PRKN: variants seen among roughly 807,000 people sequenced by gnomAD.
The protein encoded by PRKN is parkin RBR E3 ubiquitin protein ligase, also known as E3 ubiquitin-protein ligase parkin.
A neutral mutation model predicts 59.5 loss-of-function variants in PRKN; 56 were observed. The observed-to-expected ratio is 0.94, with a 90% CI of 0.76 to 1.18. PRKN has a LOEUF of 1.18. PRKN is among the 50% of genes most tolerant of loss of function. PRKN has a pLI of 0.00. For missense variants in PRKN, 657 were observed against 596.4 expected (o/e 1.10, Z -1.06); for synonymous variants, 250 against 222.1 (o/e 1.13, Z -1.12).
At chr6:162,421,369 A>T (rs2320811) in intron 2 of PRKN, among the ~76,000 whole-genome samples, 78,268 of 152,000 alleles carry the variant, frequency 0.51, 20,527 homozygotes, top group East Asian at 0.69. Context: ...GTTAAGAACA[A>T]TAACTAATTT....
chr6:161,542,892 A>G lies in PRKN; in HGVS notation c.1083+5962T>C, dbSNP rs554844250. On this transcript the variant is annotated intron_variant, in intron 9 of 11. Transcript: ENST00000366898. ...ATTTGGAGACTAGATTTTAATCTCT[A>G]GTCTTAAAAAAACTCAATATGGTTT... Among the ~76,000 whole-genome samples, 33 of 152,326 alleles carry G rather than the reference A, an allele frequency of 2.2e-4. No homozygotes were observed. The South Asian group carries it at 6.0e-3, about 28-fold the overall frequency.
chr6:161,568,410 G>A (rs557544243), intron 8 of PRKN, among the ~76,000 whole-genome samples: 59 of 152,202 alleles, frequency 3.9e-4, no homozygotes, highest in African/African-American at 7.9e-4. Flanking sequence ...TGGCTAACAC[G>A]GTGAAACTCC....
chr6:162,442,421 G>A (rs1021068065), intron 2 of PRKN, among the ~76,000 whole-genome samples: 6 of 152,148 alleles, frequency 3.9e-5, no homozygotes, highest in Admixed American at 1.3e-4. Flanking sequence ...AAAGCGTTTC[G>A]TCTTTCTTGC....
chr6:162,589,078 T>C (rs1322917154), intron 1 of PRKN, among the ~76,000 whole-genome samples: 2 of 152,140 alleles, frequency 1.3e-5, no homozygotes, highest in African/African-American at 2.4e-5. Context: ...ATCAATCTTG[T>C]ACTGTTATGC....
At chr6:162,354,790 A>G (rs1784776431) in intron 2 of PRKN, among the ~76,000 whole-genome samples, 1 of 152,068 alleles carries the variant, frequency 6.6e-6, no homozygotes, top group African/African-American at 2.4e-5. Flanking sequence ...GTGTCTATCA[A>G]CCATCAGCAA....
At chr6:161,811,779 C>T (rs866593901) in intron 6 of PRKN, among the ~76,000 whole-genome samples, 60 of 151,872 alleles carry the variant, frequency 4.0e-4, no homozygotes, top group Middle Eastern at 6.8e-3. Flanking sequence ...AAAAATTAGC[C>T]GGGTGTGGTG....
At chr6:161,761,842 C>A (rs1789215486) in intron 7 of PRKN, among the ~76,000 whole-genome samples, 1 of 152,120 alleles carries the variant, frequency 6.6e-6, no homozygotes, top group African/African-American at 2.4e-5. Flanking sequence ...AGGTTTTTCC[C>A]AAAATGGTTA....
chr6:162,348,493 T>A lies in PRKN; in HGVS notation c.172-85728A>T, dbSNP rs1036837321. 5.3e-4 allele frequency among the ~76,000 whole-genome samples: 81 copies of A among 152,176 alleles called. 1 individual carries two copies. The highest frequency in any genetic ancestry group is 1.8e-3 in the African/African-American group (75 of 41,516). ...CTATATTAGAAAAGAAGATCTCAAA[T>A]CAATGACATTTTCTATAATATAAAA... is the stretch of plus-strand genomic sequence containing the variant. On this transcript the variant is annotated intron_variant, in intron 2 of 11. Coordinates refer to ENST00000366898, the MANE Select transcript of PRKN (RefSeq NM_004562.3).
chr6:161,817,401 G>A (rs3016535), intron 6 of PRKN, among the ~76,000 whole-genome samples: 70,960 of 151,932 alleles, frequency 0.47, 16,825 homozygotes, highest in East Asian at 0.69. Flanking sequence ...TAGACCTAGT[G>A]TATGTTTGTC....
intron 3 of PRKN, among the ~76,000 whole-genome samples, chr6:162,246,550 G>A (rs1030632843): frequency 6.6e-6 from 1 of 152,144 alleles, no homozygotes; most frequent in African/African-American, 2.4e-5. Context: ...TCCTCTTATA[G>A]AAACTGCTTG....
At position 161,359,391 on chromosome 6, in the gene PRKN, C is replaced by G. The variant is rs1260220129; in HGVS notation, c.1285+697G>C. Among the ~76,000 whole-genome samples, 1 of 152,256 alleles carries G rather than the reference C, an allele frequency of 6.6e-6. No homozygotes were observed. Among genetic ancestry groups the G allele is most frequent in the Non-Finnish European group, 1.5e-5 (1 of 68,048 alleles). On this transcript the variant is annotated intron_variant, in intron 11 of 11. Transcript: ENST00000366898. The surrounding 1 kb of genome is among the most constrained non-coding windows in gnomAD (Gnocchi z 5.4). ...CTCCCGCAAGTCAGCTCTGGGCAAC[C>G]TGCCAGCCAGGGCGTAGCTGATGCT...
chr6:162,448,865 CTT>C (rs1258250920), intron 1 of PRKN, among the ~76,000 whole-genome samples: 1 of 145,480 alleles, frequency 6.9e-6, no homozygotes, highest in Non-Finnish European at 1.5e-5. Context: ...TCCTTTATTT[CTT>C]TCTTTTCCTC....
intron 7 of PRKN, among the ~76,000 whole-genome samples, chr6:161,779,605 T>C (rs563644357): frequency 6.6e-6 from 1 of 151,700 alleles, no homozygotes; most frequent in East Asian, 1.9e-4. Flanking sequence ...CCACCACACC[T>C]AGCTAATTTT....
chr6:161,569,577 AC>A (rs1210405885), intron 7 of PRKN, among the ~76,000 whole-genome samples, 161 bp from the exon 8 acceptor site: 1 of 152,144 alleles, frequency 6.6e-6, no homozygotes, highest in Non-Finnish European at 1.5e-5. Context: ...AAAAAGCCAA[AC>A]CCTCAAAAGA....
At chr6:162,049,421 A>G (rs1026753649) in intron 5 of PRKN, among the ~76,000 whole-genome samples, 1 of 152,290 alleles carries the variant, frequency 6.6e-6, no homozygotes, top group African/African-American at 2.4e-5. Context: ...AGAGTGAAAG[A>G]GTTGAGCTCA....
intron 7 of PRKN, among the ~76,000 whole-genome samples, chr6:161,731,975 A>C (rs965236961): frequency 3.3e-5 from 5 of 152,094 alleles, no homozygotes; most frequent in African/African-American, 1.2e-4. Context: ...TAGATTCAGA[A>C]GTACATGTGC....
intron 4 of PRKN, among the ~76,000 whole-genome samples, chr6:162,062,921 ACAATGAAC>A (rs1778159009): frequency 6.6e-6 from 1 of 152,214 alleles, no homozygotes; most frequent in African/African-American, 2.4e-5. Flanking sequence ...GGTAAGGAAA[ACAATGAAC>A]TGAGCAATTG....
intron 7 of PRKN, among the ~76,000 whole-genome samples, chr6:161,695,212 C>T (rs781297583): frequency 2.6e-5 from 4 of 152,132 alleles, no homozygotes; most frequent in Admixed American, 6.5e-5. Flanking sequence ...CTGCCCCCAA[C>T]TGGCTACAAA....
At chr6:162,528,460 A>T (rs1308156406) in intron 1 of PRKN, among the ~76,000 whole-genome samples, 2 of 152,208 alleles carry the variant, frequency 1.3e-5, no homozygotes, top group Non-Finnish European at 2.9e-5. Flanking sequence ...AATAGTCATT[A>T]AACTGCATTC....
Sources: gnomAD v4.1 joint callset for allele counts (sites outside exome capture counted in the v4.1 genomes callset) on GRCh38, gnomAD v4.1.1 for gene constraint, Gnocchi (gnomAD v3.1) non-coding constraint, MANE v1.5 for transcripts, NCBI Gene and HGNC (gene_info 2026-07-23, HGNC 2026-07-21) for gene names.